The following DNAH2 variants were observed in gnomAD, a reference collection of about 807,000 sequenced individuals.
DNAH2 encodes axonemal beta dynein heavy chain 2.
Under a neutral mutation model 523.5 loss-of-function variants are expected in DNAH2, and 323 were observed. The observed-to-expected ratio is 0.62, with a 90% confidence interval of 0.56 to 0.68. DNAH2 has a LOEUF of 0.68. Ranked by LOEUF, DNAH2 falls within the 30% of genes least tolerant of loss-of-function variation. DNAH2 has a pLI of 0.00. For missense variants in DNAH2, 4,907 were observed against 5,701.5 expected (o/e 0.86, Z 4.49); for synonymous variants, 2,093 against 2,177.4 (o/e 0.96, Z 1.08).
In DNAH2 at chr17:7,831,720, TG is replaced by T. The variant is rs2078180814; in HGVS notation, c.12673del (p.Glu4225LysfsTer51). 1 of 1,614,052 alleles carries T rather than the reference TG, an allele frequency of 6.2e-7. No homozygotes were observed. The highest frequency in any genetic ancestry group is 8.5e-7 in the Non-Finnish European group (1 of 1,180,036). On this transcript the variant is annotated frameshift_variant, in exon 82 of 86. Coordinates refer to ENST00000572933, the MANE Select transcript of DNAH2 (RefSeq NM_020877.5). LOFTEE classifies it high-confidence loss of function. This position sits in a 1 kb window ranked among gnomAD's most constrained non-coding sequence, Gnocchi z 4.2. ...IQGLIVMSTS[L>X]EEIFNCIFDA... ...GGTCTCATCGTCATGTCTACAAGCC[TG>T]GAAGAGATTTTCAATTGCATCTTTG...
rs143209705 is a variant in DNAH2, at chr17:7,739,878, G to C, written c.1316G>C (p.Arg439Pro). The change falls in exon 9 of 86, where the codon CGA becomes CCA. Residue 439 changes from arginine to proline, a missense_variant. Transcript: ENST00000572933. ...TTTCATAAAAATCTGCACACGCTGC[G>C]AGCCGTTCGCGGGGGTATCCTGGAT... is the stretch of plus-strand genomic sequence containing the variant. ...DIFHKNLHTLRAVRGGILDVK... is the reference protein window; with the variant it reads ...DIFHKNLHTLPAVRGGILDVK... The C allele has an allele frequency of 2.5e-6, 4 of 1,614,008 alleles. No individual in the cohort carries two copies. Among genetic ancestry groups the C allele is most frequent in the Non-Finnish European group, 3.4e-6 (4 of 1,179,976 alleles).
At chr17:7,721,719 G>A (rs1057474489) in intron 2 of DNAH2, among the ~76,000 whole-genome samples, 1 of 152,148 alleles carries the variant, frequency 6.6e-6, no homozygotes, top group Non-Finnish European at 1.5e-5. Flanking sequence ...TCAGCCCCTG[G>A]GGAATGGGAA....
chr17:7,719,286 C>G (rs569122859), intron 1 of DNAH2, among the ~76,000 whole-genome samples: 1 of 152,226 alleles, frequency 6.6e-6, no homozygotes, highest in South Asian at 2.1e-4. Context: ...CACCACCACT[C>G]CTGGCTAATT....
intron 58 of DNAH2, among the ~76,000 whole-genome samples, chr17:7,802,602 T>C (rs2077253265): frequency 1.3e-5 from 2 of 152,248 alleles, no homozygotes; most frequent in African/African-American, 2.4e-5. Context: ...TATACTGTAT[T>C]GTTTAGGGAA....
chr17:7,805,960 A>T (rs1430571968), intron 61 of DNAH2, among the ~76,000 whole-genome samples: 1 of 152,226 alleles, frequency 6.6e-6, no homozygotes, highest in Non-Finnish European at 1.5e-5. Context: ...TACATTTCTG[A>T]TTGCTTTTAT....
chr17:7,764,416 T>C, intron 20 of DNAH2, 143 bp downstream of exon 20: 2 of 961,410 alleles, frequency 2.1e-6, no homozygotes, highest in Non-Finnish European at 3.1e-6. Flanking sequence ...GCTCAAATGA[T>C]ACCTTTACTT....
intron 30 of DNAH2, 110 bp downstream of exon 30, chr17:7,775,452 G>A: frequency 1.0e-6 from 1 of 987,842 alleles, no homozygotes; most frequent in Non-Finnish European, 1.5e-6. Context: ...TTGGGAGGCT[G>A]AGGTGGGCAG....
In DNAH2 at chr17:7,817,798, T is replaced by C; in HGVS notation, c.10178T>C (p.Leu3393Pro). Reference sequence around the variant, plus strand: ...CTGTACTCCCCTTCCAGGTGGGCACTGATGATCGACCCTCAGGCCCAGGCC... The same window carrying C: ...CTGTACTCCCCTTCCAGGTGGGCACCGATGATCGACCCTCAGGCCCAGGCC... ...IIVTRGNRWA[L>P]MIDPQAQALK... Residue 3393 changes from leucine to proline, a missense_variant, in exon 67 of 86, where the codon CTG becomes CCG. Leu to Pro is a moderately conservative substitution (Grantham distance 98, BLOSUM62 -3). Around this residue, in one of 3 missense-constraint regions of DNAH2, gnomAD observed 1,851 missense variants for 2,139.4 expected, o/e 0.87. Transcript: ENST00000572933. The C allele has an allele frequency of 6.2e-7, 1 of 1,614,048 alleles. No individual in the cohort carries two copies. The highest frequency in any genetic ancestry group is 1.1e-5 in the South Asian group (1 of 91,074).
chr17:7,816,440 A>T, intron 63 of DNAH2, 131 bp from the exon 64 acceptor site: 2 of 1,051,606 alleles, frequency 1.9e-6, no homozygotes, highest in Non-Finnish European at 2.8e-6. Context: ...AACATGAGGA[A>T]ACTAGGCTCA....
chr17:7,779,623 G>T (rs2076549996), intron 36 of DNAH2, among the ~76,000 whole-genome samples, 200 bp downstream of exon 36: 1 of 152,138 alleles, frequency 6.6e-6, no homozygotes, highest in African/African-American at 2.4e-5. Context: ...TTCCCCAAAG[G>T]GATTAATAAC....
intron 7 of DNAH2, among the ~76,000 whole-genome samples, chr17:7,736,574 A>G (rs1239606714): frequency 1.3e-5 from 2 of 152,226 alleles, no homozygotes; most frequent in Non-Finnish European, 2.9e-5. Flanking sequence ...AAAAGTTGAC[A>G]TGTGCTAACT....
At chr17:7,721,994 G>A (rs1448875614) in intron 2 of DNAH2, among the ~76,000 whole-genome samples, 2 of 152,062 alleles carry the variant, frequency 1.3e-5, no homozygotes, top group African/African-American at 4.8e-5. Flanking sequence ...CCCAGTTAGT[G>A]TTTGTTTTAT....
In DNAH2 at chr17:7,833,564, G is replaced by A. The variant is rs2078257736; in HGVS notation, c.*31G>A. The A allele has an allele frequency of 1.9e-6, 3 of 1,610,408 alleles. No homozygotes were observed. The highest frequency in any genetic ancestry group is 2.5e-6 in the Non-Finnish European group (3 of 1,179,732). On this transcript the variant is annotated 3_prime_UTR_variant, in exon 86 of 86. Coordinates refer to ENST00000572933, the MANE Select transcript of DNAH2 (RefSeq NM_020877.5). ...CCTCCTCTTCTCCGCTTGAGAGAGA[G>A]GGTCAGGGACTCCAGGAGCTAAGAC...
At chr17:7,738,852 C>T in intron 8 of DNAH2, 1 of 653,014 alleles carries the variant, frequency 1.5e-6, no homozygotes, top group South Asian at 1.6e-5. Flanking sequence ...TCCCTGAATG[C>T]AGGGCTCCTG....
chr17:7,755,808 C>CTT (rs57342823), intron 12 of DNAH2, among the ~76,000 whole-genome samples: 73 of 145,422 alleles, frequency 5.0e-4, no homozygotes, highest in African/African-American at 7.3e-4. Context: ...CCTGGTATCT[C>CTT]TTTTTTTTTT....
At chr17:7,808,140 G>A (rs1208884157) in intron 63 of DNAH2, among the ~76,000 whole-genome samples, 1 of 152,174 alleles carries the variant, frequency 6.6e-6, no homozygotes. Context: ...GGAGGCCGAG[G>A]TAGGTGGACC....
chr17:7,818,713 C>T lies in DNAH2; in HGVS notation c.10607C>T (p.Ser3536Leu). The T allele has an allele frequency of 4.3e-6, 7 of 1,614,068 alleles. No homozygotes were observed. Among genetic ancestry groups the T allele is most frequent in the Non-Finnish European group, 5.9e-6 (7 of 1,180,000 alleles). The change falls in exon 70 of 86, where the codon TCA (serine) becomes TTA (leucine). Residue 3536 changes from serine to leucine, a missense_variant. This residue lies in a region of DNAH2 where 1,851 missense variants were observed against 2,139.4 expected (regional missense o/e 0.87). Coordinates refer to ENST00000572933, the MANE Select transcript of DNAH2 (RefSeq NM_020877.5). ...ERPELEEQKD[S>L]LVINIAAGKR... ...CCTGAGCTGGAGGAGCAGAAGGACT[C>T]ACTGGTCATCAACATCGCGGCTGGT...
chr17:7,833,518 G>A lies in DNAH2; in HGVS notation c.13269G>A (p.Met4423Ile), dbSNP rs767946087. The A allele has an allele frequency of 1.1e-5, 18 of 1,613,920 alleles. No individual in the cohort carries two copies. The highest frequency in any genetic ancestry group is 3.3e-5 in the South Asian group (3 of 91,084). ...HWIKRGTALL[M>I]SLDS is the part of the protein sequence containing the mutation. ...TCAAGAGGGGCACTGCTCTACTCAT[G>A]AGCCTGGACAGCTGAGACCTCCTCC... is the stretch of plus-strand genomic sequence containing the variant. Residue 4423 changes from methionine (M) to isoleucine (I), a missense_variant, in exon 86 of 86, where the codon ATG (methionine) becomes ATA (isoleucine). By Grantham distance (10) the Met-to-Ile change is conservative. This residue lies in a region of DNAH2 where 1,851 missense variants were observed against 2,139.4 expected (regional missense o/e 0.87). Coordinates refer to ENST00000572933, the MANE Select transcript of DNAH2 (RefSeq NM_020877.5).
At chr17:7,804,171 G>A (rs1567727224) in intron 58 of DNAH2, 85 bp from the exon 59 acceptor site, 7 of 1,408,636 alleles carry the variant, frequency 5.0e-6, no homozygotes, top group Non-Finnish European at 4.9e-6. Flanking sequence ...GCGGACTCGA[G>A]ACACACGGGG....
Sources: allele counts gnomAD v4.1 joint callset (sites outside exome capture counted in the v4.1 genomes callset), GRCh38; gene constraint gnomAD v4.1.1; regional missense constraint gnomAD v4.1.1; non-coding constraint Gnocchi (gnomAD v3.1); transcripts MANE v1.5; gene names NCBI Gene and HGNC (gene_info 2026-07-23, HGNC 2026-07-21).